Variants in RBL2 observed in about 807,000 individuals in gnomAD.
RBL2 encodes the protein retinoblastoma-like protein 2.
Under a neutral mutation model 126.0 loss-of-function variants are expected in RBL2, and 56 were observed. The observed-to-expected ratio is 0.44, with a 90% CI of 0.36 to 0.56. The LOEUF is 0.56. RBL2 is among the 20% of genes least tolerant of loss of function. The pLI is 0.00. For synonymous variants in RBL2, 454 were observed against 478.5 expected, an observed-to-expected ratio of 0.95 and a Z score of 0.67; for missense variants, 1,229 against 1,398.2, an observed-to-expected ratio of 0.88 and a Z score of 1.93.
At position 53,453,781 on chromosome 16, in the gene RBL2, T is replaced by C; in HGVS notation, c.992+12T>C. 2 of 1,566,274 alleles carry C rather than the reference T, an allele frequency of 1.3e-6. No homozygotes were observed. The highest frequency in any genetic ancestry group is 1.7e-6 in the Non-Finnish European group (2 of 1,151,314). On this transcript the variant is annotated intron_variant, in intron 7 of 21. Coordinates refer to ENST00000262133, the MANE Select transcript of RBL2 (RefSeq NM_005611.4). Reference sequence around the variant, plus strand: ...TTTGGAGAGAGTTTGTGAGTACTTCTGTATAAAATGTTTTAATATTTTAAA... The same window carrying C: ...TTTGGAGAGAGTTTGTGAGTACTTCCGTATAAAATGTTTTAATATTTTAAA...
intron 1 of RBL2, chr16:53,435,511 C>G (rs922430948): frequency 1.8e-6 from 2 of 1,130,284 alleles, no homozygotes; most frequent in African/African-American, 3.3e-5. Flanking sequence ...TCGCAGCCTT[C>G]GGACAGGGCT....
intron 5 of RBL2, 115 bp downstream of exon 5, chr16:53,451,946 T>A: frequency 8.4e-7 from 1 of 1,187,372 alleles, no homozygotes. Context: ...TCATTACGGC[T>A]ATCCAGGGTA....
At chr16:53,462,450 G>A in intron 10 of RBL2, 102 bp from the exon 11 acceptor site, 1 of 637,534 alleles carries the variant, frequency 1.6e-6, no homozygotes, top group Non-Finnish European at 2.7e-6. Flanking sequence ...TAAAGTATTG[G>A]GTTGGTTTTG....
At chr16:53,490,084 A>G (rs1166958445) in intron 21 of RBL2, 46 bp from the exon 22 acceptor site, 3 of 1,409,970 alleles carry the variant, frequency 2.1e-6, no homozygotes, top group South Asian at 1.4e-5. Context: ...ATACTGAGCT[A>G]TGTGCATTTG....
At chr16:53,448,406 G>A (rs931065133) in intron 4 of RBL2, among the ~76,000 whole-genome samples, 2 of 151,984 alleles carry the variant, frequency 1.3e-5, no homozygotes, top group Admixed American at 6.6e-5. Context: ...ATCCACCTGC[G>A]TCAGCCTCCC....
intron 11 of RBL2, 104 bp downstream of exon 11, chr16:53,462,759 T>A: frequency 1.5e-6 from 1 of 685,170 alleles, no homozygotes; most frequent in Non-Finnish European, 2.4e-6. Context: ...TCTCCTTTCA[T>A]ACACAAAAGT....
rs567968094 is a variant in RBL2 at position 53,491,269 on chromosome 16, A to T, written c.*969A>T. ...AAATGTCTATTAAGGTGATATATTT[A>T]AAAATATTTTTGGGTGTTCCTGGCA... On this transcript the variant is annotated 3_prime_UTR_variant, in exon 22 of 22. Transcript: ENST00000262133. 9.7e-4 allele frequency: 147 copies of T among 152,308 alleles called. 2 individuals carry two copies. The highest frequency in any genetic ancestry group is 3.1e-3 in the African/African-American group (128 of 41,560). The allele number at this position is 152,308 out of a possible 1,614,324, so 9.4% of individuals were successfully genotyped here.
chr16:53,485,391 G>A (rs1409998265), intron 21 of RBL2, among the ~76,000 whole-genome samples: 1 of 152,120 alleles, frequency 6.6e-6, no homozygotes, highest in South Asian at 2.1e-4. Flanking sequence ...TAAAATTTGT[G>A]GGATGTAGCT....
intron 4 of RBL2, among the ~76,000 whole-genome samples, chr16:53,450,178 G>A (rs764477905): frequency 6.6e-6 from 1 of 151,982 alleles, no homozygotes; most frequent in Non-Finnish European, 1.5e-5. Flanking sequence ...GTTGATTATC[G>A]TTTGCCTCTT....
chr16:53,434,981 C>T (rs1206274919), intron 1 of RBL2, among the ~76,000 whole-genome samples, 185 bp downstream of exon 1: 3 of 152,172 alleles, frequency 2.0e-5, no homozygotes, highest in Non-Finnish European at 4.4e-5. Context: ...GCTCTCGCCG[C>T]GCTTTCCTGC....
intron 14 of RBL2, among the ~76,000 whole-genome samples, chr16:53,467,730 G>A (rs1349494750): frequency 6.6e-6 from 1 of 152,136 alleles, no homozygotes; most frequent in Non-Finnish European, 1.5e-5. Flanking sequence ...TAAAGTGTAT[G>A]TTTATTTATG....
chr16:53,478,208 T>C (rs915282460), intron 17 of RBL2, among the ~76,000 whole-genome samples: 2 of 152,202 alleles, frequency 1.3e-5, no homozygotes, highest in Non-Finnish European at 2.9e-5. Flanking sequence ...TTTTATTTTA[T>C]TGGGGTTTCC....
intron 11 of RBL2, among the ~76,000 whole-genome samples, chr16:53,463,987 G>A (rs1207984504): frequency 1.3e-5 from 2 of 152,054 alleles, no homozygotes; most frequent in Non-Finnish European, 2.9e-5. Flanking sequence ...TCTCTTTTAA[G>A]ATACATTTTA....
chr16:53,459,556 C>T lies in RBL2; in HGVS notation c.1285C>T (p.Leu429Phe). Residue 429 changes from leucine to phenylalanine, a missense_variant, in exon 9 of 22, where the codon CTT becomes TTT. By Grantham distance (22) the Leu-to-Phe change is conservative. This residue lies in a region of RBL2 where 1,070 missense variants were observed against 1,274.3 expected (regional missense o/e 0.84). Transcript: ENST00000262133. ...TACAGCTACGCATAGCTTGAGTCGT[C>T]TTCACACCATGCTGACAGGCCTCAG... is the stretch of plus-strand genomic sequence containing the variant. ...VSTATHSLSR[L>F]HTMLTGLRNA... 6.2e-7 allele frequency: 1 copy of T among 1,607,454 alleles called. No homozygotes were observed. The highest frequency in any genetic ancestry group is 8.5e-7 in the Non-Finnish European group (1 of 1,178,102).
At chr16:53,470,281 G>C (rs2058309800) in intron 15 of RBL2, 96 bp downstream of exon 15, 1 of 1,559,690 alleles carries the variant, frequency 6.4e-7, no homozygotes, top group Admixed American at 1.8e-5. Flanking sequence ...GGACAGAGGA[G>C]TGATGGGGAG....
In RBL2 at chr16:53,434,574, C is replaced by T; in HGVS notation, c.18C>T (p.Asp6=). 6.5e-7 allele frequency: 1 copy of T among 1,531,060 alleles called. No homozygotes were observed. Among genetic ancestry groups the T allele is most frequent in the South Asian group, 1.2e-5 (1 of 82,196 alleles). The allele number at this position is 1,531,060 out of a possible 1,614,324, so 94.8% of individuals were successfully genotyped here. ...GGTGCGCTATGCCGTCGGGAGGTGACCAGTCGCCACCGCCCCCGCCTCCCC... is the reference window on the plus strand; with the variant it reads ...GGTGCGCTATGCCGTCGGGAGGTGATCAGTCGCCACCGCCCCCGCCTCCCC... MPSGG[D]QSPPPPPPPP... is the part of the protein sequence containing the mutation. Residue 6 remains aspartate (D), a synonymous_variant, in exon 1 of 22, where the codon GAC becomes GAT. Coordinates refer to ENST00000262133, the MANE Select transcript of RBL2 (RefSeq NM_005611.4).
chr16:53,465,558 G>A lies in RBL2; in HGVS notation c.1819G>A (p.Glu607Lys), dbSNP rs758396631. 4 of 1,597,084 alleles carry A rather than the reference G, an allele frequency of 2.5e-6. No individual in the cohort carries two copies. The highest frequency in any genetic ancestry group is 3.4e-6 in the Non-Finnish European group (4 of 1,174,256). The change falls in exon 13 of 22, where the codon GAA becomes AAA. Residue 607 changes from glutamate (E) to lysine (K), a missense_variant. Physicochemically the swap from Glu to Lys is moderately conservative, Grantham distance 56. Around this residue, in one of 2 missense-constraint regions of RBL2, gnomAD observed 1,070 missense variants for 1,274.3 expected, o/e 0.84. Transcript: ENST00000262133. ...LAWKPESPLW[E>K]KIRDNENRVP... ...ATGGAAACCAGAGTCTCCACTCTGG[G>A]AAAAAATTAGAGACAATGAAAACAG...
chr16:53,439,589 C>T (rs989357638), intron 2 of RBL2, among the ~76,000 whole-genome samples: 3 of 152,084 alleles, frequency 2.0e-5, no homozygotes, highest in Non-Finnish European at 4.4e-5. Context: ...GGATAAATGA[C>T]ATGATTATAA....
At chr16:53,466,558 C>G (rs746104919) in intron 13 of RBL2, among the ~76,000 whole-genome samples, 1 of 151,828 alleles carries the variant, frequency 6.6e-6, no homozygotes, top group Non-Finnish European at 1.5e-5. Context: ...GCATTAGATT[C>G]TCATAAGGAG....
Sources: allele counts gnomAD v4.1 joint callset (sites outside exome capture counted in the v4.1 genomes callset), GRCh38; gene constraint gnomAD v4.1.1; regional missense constraint gnomAD v4.1.1; transcripts MANE v1.5; gene names NCBI Gene and HGNC (gene_info 2026-07-23, HGNC 2026-07-21).